The following RAG1 variants were observed in gnomAD, a reference collection of about 807,000 sequenced individuals.
RAG1 encodes the protein V(D)J recombination-activating protein 1.
A neutral mutation model predicts 62.7 loss-of-function variants in RAG1; 35 were observed. The observed-to-expected ratio is 0.56, with a 90% confidence interval of 0.43 to 0.74. The LOEUF (loss-of-function observed/expected upper bound fraction) is 0.74. Among genes scored for constraint, RAG1 ranks in the 30% least tolerant of loss-of-function variants. The pLI is 0.00. For synonymous variants in RAG1, 461 were observed against 470.3 expected, an observed-to-expected ratio of 0.98 and a Z score of 0.26; for missense variants, 1,169 against 1,278.6, an observed-to-expected ratio of 0.91 and a Z score of 1.31.
chr11:36,533,937 G>T (rs759063986), intron 2 of RAG1, among the ~76,000 whole-genome samples: 1 of 151,604 alleles, frequency 6.6e-6, no homozygotes. Flanking sequence ...CTTTTTTCAG[G>T]TTTTGGTAAA....
intron 2 of RAG1, among the ~76,000 whole-genome samples, chr11:36,525,512 T>A (rs1403977287): frequency 6.6e-6 from 1 of 152,194 alleles, no homozygotes; most frequent in Non-Finnish European, 1.5e-5. Context: ...TATATGAATA[T>A]TTCAGTCAAT....
At chr11:36,557,971 A>G (rs956356536) in intron 3 of RAG1, among the ~76,000 whole-genome samples, 1 of 152,124 alleles carries the variant, frequency 6.6e-6, no homozygotes, top group African/African-American at 2.4e-5. Flanking sequence ...GTACCTTTTC[A>G]TTACTCCCAT....
intron 2 of RAG1, among the ~76,000 whole-genome samples, chr11:36,531,377 T>A (rs1449981241): frequency 6.6e-6 from 1 of 151,970 alleles, no homozygotes; most frequent in East Asian, 1.9e-4. Flanking sequence ...TTAGTTGTTT[T>A]ATCTCTGTGT....
At chr11:36,569,083 C>T (rs868082055) in intron 1 of RAG1, among the ~76,000 whole-genome samples, 8 of 152,028 alleles carry the variant, frequency 5.3e-5, no homozygotes, top group Non-Finnish European at 8.8e-5. Context: ...GGCCAAGTAA[C>T]GGGGTGTATG....
chr11:36,564,537 C>A (rs561242522), upstream of RAG1, among the ~76,000 whole-genome samples: 4 of 152,258 alleles, frequency 2.6e-5, 1 homozygote, highest in African/African-American at 9.6e-5. Context: ...AGAATATAGG[C>A]TTTTCTTTGC....
intron 3 of RAG1, among the ~76,000 whole-genome samples, chr11:36,561,043 G>A (rs1279683040): frequency 6.6e-6 from 1 of 152,154 alleles, no homozygotes; most frequent in Non-Finnish European, 1.5e-5. Flanking sequence ...CCTTCCTTAG[G>A]CACAATTATA....
rs375995682 is a variant in RAG1 at position 36,513,374 on chromosome 11, G to T, written n.330+2336G>T. The stretch of plus-strand genomic sequence containing the variant: ...ATGAAATAGGAAATAGTTTTACACA[G>T]CTGAAGGTAGAGTTGGGAAGGTAAA... On this transcript the variant is annotated intron_variant and non_coding_transcript_variant, in intron 1 of 2. Coordinates refer to the RAG1 transcript ENST00000529126. Among the ~76,000 whole-genome samples, 7 of 152,184 alleles carry T rather than the reference G, an allele frequency of 4.6e-5. 1 individual carries two copies. The East Asian group carries it at 1.3e-3, about 29-fold the overall frequency.
chr11:36,576,509 C>T lies in RAG1; in HGVS notation c.*73C>T, dbSNP rs1484739877. 3.9e-6 allele frequency: 6 copies of T among 1,541,980 alleles called. No individual in the cohort carries two copies. Among genetic ancestry groups the T allele is most frequent in the Non-Finnish European group, 4.5e-6 (5 of 1,116,616 alleles). Reference sequence around the variant, plus strand: ...GGGTTGCATTGAGGGCTTCTCCTAGCACCCTTTACTGCTGTGTATGGGGCT... The same window carrying T: ...GGGTTGCATTGAGGGCTTCTCCTAGTACCCTTTACTGCTGTGTATGGGGCT... On this transcript the variant is annotated 3_prime_UTR_variant, in exon 2 of 2. Coordinates refer to ENST00000299440, the MANE Select transcript of RAG1 (RefSeq NM_000448.3).
chr11:36,572,648 C>A (rs1850766806), intron 1 of RAG1, among the ~76,000 whole-genome samples: 1 of 152,180 alleles, frequency 6.6e-6, no homozygotes. Context: ...CAACAGCATT[C>A]ACTAATTAAA....
upstream of RAG1, among the ~76,000 whole-genome samples, chr11:36,565,078 T>G (rs2133284195): frequency 6.6e-6 from 1 of 152,346 alleles, no homozygotes; most frequent in East Asian, 1.9e-4. Flanking sequence ...CTAAGTTCCC[T>G]TCTAGTTCTG....
chr11:36,558,382 C>G (rs6416085), intron 3 of RAG1, among the ~76,000 whole-genome samples: 3 of 152,130 alleles, frequency 2.0e-5, no homozygotes, highest in African/African-American at 7.2e-5. Context: ...GGTGTTTCCA[C>G]CTATTACTGT....
intron 2 of RAG1, among the ~76,000 whole-genome samples, chr11:36,523,845 A>G (rs331442): frequency 0.02 from 3,085 of 152,314 alleles, 103 homozygotes; most frequent in African/African-American, 0.07. Context: ...CAATGGTAAC[A>G]TCATGCAAAA....
intron 1 of RAG1, among the ~76,000 whole-genome samples, chr11:36,568,694 C>T (rs1158821425): frequency 3.9e-5 from 6 of 152,162 alleles, no homozygotes; most frequent in African/African-American, 4.8e-5. Flanking sequence ...AAAACAAACT[C>T]GCTCATGATT....
chr11:36,526,690 T>A (rs1263800210), intron 2 of RAG1, among the ~76,000 whole-genome samples: 1 of 152,178 alleles, frequency 6.6e-6, no homozygotes, highest in Non-Finnish European at 1.5e-5. Flanking sequence ...TAATCTACAC[T>A]CCCACCAACA....
intron 2 of RAG1, among the ~76,000 whole-genome samples, chr11:36,531,885 CTGACTTT>C (rs1860262035): frequency 6.6e-6 from 1 of 151,990 alleles, no homozygotes; most frequent in Non-Finnish European, 1.5e-5. Flanking sequence ...CTTCTTCCTT[CTGACTTT>C]AATGGAATGC....
In RAG1 at chr11:36,578,861, C is replaced by T. The variant is rs1020883720; in HGVS notation, c.*2425C>T. 1 of 167,076 alleles carries T rather than the reference C, an allele frequency of 6.0e-6. No homozygotes were observed. The highest frequency in any genetic ancestry group is 2.4e-5 in the African/African-American group (1 of 41,452). 10.3% of individuals were successfully genotyped at this position (167,076 alleles called of 1,614,324 possible). On this transcript the variant is annotated 3_prime_UTR_variant, in exon 2 of 2. Coordinates refer to ENST00000299440, the MANE Select transcript of RAG1 (RefSeq NM_000448.3). ...ATATACTCCAGGGAAATTCACCACA[C>T]TGAATCGAGCATTTGTGTGTGTATG...
chr11:36,531,521 T>C (rs977994086), intron 2 of RAG1, among the ~76,000 whole-genome samples: 3 of 151,946 alleles, frequency 2.0e-5, no homozygotes, highest in Admixed American at 6.6e-5. Context: ...ATTATATATA[T>C]GTATATATAT....
intron 1 of RAG1, among the ~76,000 whole-genome samples, chr11:36,517,880 C>T (rs189055310): frequency 0.011 from 1,737 of 152,064 alleles, 18 homozygotes; most frequent in East Asian, 0.03. Flanking sequence ...GGTACATGTG[C>T]ACAACGTGCA....
intron 3 of RAG1, among the ~76,000 whole-genome samples, chr11:36,549,842 A>G (rs751967105): frequency 2.3e-4 from 35 of 152,360 alleles, no homozygotes; most frequent in South Asian, 1.0e-3. Context: ...ACTGTACACA[A>G]TAGCAAAGAC....
Sources: gnomAD v4.1 joint callset for allele counts (sites outside exome capture counted in the v4.1 genomes callset) on GRCh38, gnomAD v4.1.1 for gene constraint, MANE v1.5 for transcripts, NCBI Gene and HGNC (gene_info 2026-07-23, HGNC 2026-07-21) for gene names.